The following ADAMTS6 variants were observed in gnomAD, a reference collection of about 807,000 sequenced individuals.
The protein encoded by ADAMTS6 is ADAM metallopeptidase with thrombospondin type 1 motif 6.
ADAMTS6 carries 23 observed loss-of-function variants against 144.3 expected under a neutral mutation model. That is an observed-to-expected ratio of 0.16 (90% CI 0.11 to 0.23). The LOEUF (loss-of-function observed/expected upper bound fraction) is 0.23, where lower values mean the gene tolerates loss of function less well. ADAMTS6 is among the 10% of genes least tolerant of loss of function. The probability of loss-of-function intolerance (pLI) is 1.00; values close to 1 mark genes in which losing one functional copy is unlikely to be tolerated. For synonymous variants in ADAMTS6, 444 were observed against 457.5 expected (o/e 0.97, Z 0.38); for missense variants, 999 against 1,379.6 (o/e 0.72, Z 4.37).
At chr5:65,420,660 C>T (rs921816958) in intron 7 of ADAMTS6, among the ~76,000 whole-genome samples, 9 of 90,104 alleles carry the variant, frequency 1.0e-4, no homozygotes, top group African/African-American at 2.7e-4. Context: ...GGATTACAGG[C>T]GTGACCACTG....
chr5:65,469,782 ATTATAG>A (rs1245968326), intron 3 of ADAMTS6, among the ~76,000 whole-genome samples: 4 of 152,208 alleles, frequency 2.6e-5, no homozygotes, highest in African/African-American at 7.2e-5. Context: ...CCCAACTCGA[ATTATAG>A]TTATTTTATA....
chr5:65,363,126 T>C (rs1236663331), intron 7 of ADAMTS6, among the ~76,000 whole-genome samples: 1 of 152,204 alleles, frequency 6.6e-6, no homozygotes, highest in Non-Finnish European at 1.5e-5. Flanking sequence ...TTAAATATTA[T>C]TGTACTATAG....
At chr5:65,183,636 G>A (rs995363561) in intron 22 of ADAMTS6, among the ~76,000 whole-genome samples, 54 of 150,316 alleles carry the variant, frequency 3.6e-4, no homozygotes, top group East Asian at 1.7e-3. Context: ...ACTTAGCTAT[G>A]TAAAAGATAA....
At chr5:65,457,164 T>G (rs538936818) in intron 4 of ADAMTS6, among the ~76,000 whole-genome samples, 1 of 152,356 alleles carries the variant, frequency 6.6e-6, no homozygotes, top group South Asian at 2.1e-4. Context: ...ATATTCCCAG[T>G]AATGGGAAGC....
chr5:65,369,229 A>AT (rs1750603686), intron 7 of ADAMTS6, among the ~76,000 whole-genome samples: 1 of 152,184 alleles, frequency 6.6e-6, no homozygotes, highest in Non-Finnish European at 1.5e-5. Context: ...AACCCTAATA[A>AT]CAAAAAATAA....
intron 7 of ADAMTS6, among the ~76,000 whole-genome samples, chr5:65,412,919 A>G (rs1485741007): frequency 6.6e-6 from 1 of 152,194 alleles, no homozygotes; most frequent in African/African-American, 2.4e-5. Flanking sequence ...TTCTCTAATT[A>G]TATGCACTTC....
Position 65,427,311 on chromosome 5 carries a change from A to T in ADAMTS6, c.1073+24164T>A, listed in dbSNP as rs142362123. ...TTAATTTTATTTTATTATTATTATT[A>T]TTTTTTTTTAGAGACTGGGTCTCAC... is the stretch of plus-strand genomic sequence containing the variant. On this transcript the variant is annotated intron_variant, in intron 7 of 24. Transcript: ENST00000381055. 7.9e-4 allele frequency among the ~76,000 whole-genome samples: 119 copies of T among 150,250 alleles called. 1 individual carries two copies. The East Asian group carries it at 8.2e-3, about 10-fold the overall frequency.
chr5:65,319,758 A>C (rs1460259319), intron 9 of ADAMTS6, among the ~76,000 whole-genome samples: 1 of 133,190 alleles, frequency 7.5e-6, no homozygotes, highest in Non-Finnish European at 1.6e-5. Context: ...GGAAGGAAGG[A>C]AGGAAGGAAG....
At chr5:65,277,265 A>G (rs935482896) in intron 11 of ADAMTS6, among the ~76,000 whole-genome samples, 6 of 152,236 alleles carry the variant, frequency 3.9e-5, no homozygotes, top group African/African-American at 7.2e-5. Flanking sequence ...TGCACCAGGC[A>G]TTATGTTGGT....
intron 11 of ADAMTS6, among the ~76,000 whole-genome samples, chr5:65,274,031 A>G (rs1396614820): frequency 6.6e-6 from 1 of 152,076 alleles, no homozygotes; most frequent in Non-Finnish European, 1.5e-5. Flanking sequence ...AATTTAGCCT[A>G]CCTCCATGAA....
chr5:65,227,256 G>A (rs1189679749), intron 15 of ADAMTS6, among the ~76,000 whole-genome samples: 1 of 152,044 alleles, frequency 6.6e-6, no homozygotes, highest in Non-Finnish European at 1.5e-5. Flanking sequence ...TTTTCATTTT[G>A]TCATTGAAAT....
chr5:65,170,088 C>G (rs1323838880), intron 24 of ADAMTS6, among the ~76,000 whole-genome samples: 1 of 152,178 alleles, frequency 6.6e-6, no homozygotes, highest in Non-Finnish European at 1.5e-5. Context: ...TTCCAGAGCA[C>G]AAAGAACTTT....
At chr5:65,441,172 G>A (rs1338829664) in intron 7 of ADAMTS6, among the ~76,000 whole-genome samples, 1 of 151,966 alleles carries the variant, frequency 6.6e-6, no homozygotes, top group East Asian at 1.9e-4. Context: ...AACCACTAGA[G>A]ATGAAAAAAA....
intron 9 of ADAMTS6, among the ~76,000 whole-genome samples, chr5:65,307,535 T>C (rs929180213): frequency 3.9e-5 from 6 of 152,230 alleles, no homozygotes; most frequent in South Asian, 4.1e-4. Context: ...TTCACTATGA[T>C]GAACTTTGCC....
intron 18 of ADAMTS6, among the ~76,000 whole-genome samples, chr5:65,217,579 T>G (rs1384430896): frequency 6.6e-6 from 1 of 152,118 alleles, no homozygotes; most frequent in Non-Finnish European, 1.5e-5. Flanking sequence ...ATCTTTTTGT[T>G]TTGAGTATTA....
chr5:65,336,065 G>A (rs1166065485), intron 7 of ADAMTS6, among the ~76,000 whole-genome samples: 1 of 152,076 alleles, frequency 6.6e-6, no homozygotes, highest in Non-Finnish European at 1.5e-5. Context: ...AACATTGAAT[G>A]CTAAACCAGA....
At chr5:65,194,644 T>A (rs1474842910) in intron 21 of ADAMTS6, among the ~76,000 whole-genome samples, 1 of 152,182 alleles carries the variant, frequency 6.6e-6, no homozygotes, top group Non-Finnish European at 1.5e-5. Flanking sequence ...AAAGAAGAAA[T>A]TAAAAAGCAA....
chr5:65,300,220 C>T (rs548704489), intron 9 of ADAMTS6, 89 bp from the exon 10 acceptor site: 10 of 1,269,098 alleles, frequency 7.9e-6, no homozygotes, highest in African/African-American at 7.5e-5. Context: ...ATTTATTAGC[C>T]TTATCAACAT....
At chr5:65,470,053 T>C (rs974147208) in intron 3 of ADAMTS6, among the ~76,000 whole-genome samples, 4 of 152,166 alleles carry the variant, frequency 2.6e-5, no homozygotes, top group Admixed American at 6.5e-5. Flanking sequence ...GGATAAACCC[T>C]GTAGTCTTGA....
Sources: gnomAD v4.1 joint callset for allele counts (sites outside exome capture counted in the v4.1 genomes callset) on GRCh38, gnomAD v4.1.1 for gene constraint, MANE v1.5 for transcripts, NCBI Gene and HGNC (gene_info 2026-07-23, HGNC 2026-07-21) for gene names.